Variants in DPYSL2 observed in about 807,000 individuals in gnomAD.
The protein encoded by DPYSL2 is dihydropyrimidinase-related protein 2.
Under a neutral mutation model 69.9 loss-of-function variants are expected in DPYSL2, and 13 were observed. The ratio of observed to expected loss-of-function variants is 0.19; its 90% CI spans 0.12 to 0.30. DPYSL2 has a LOEUF of 0.30. Among genes scored for constraint, DPYSL2 ranks in the 10% least tolerant of loss-of-function variants. DPYSL2 has a pLI of 1.00. For synonymous variants in DPYSL2, 326 were observed against 359.1 expected, an observed-to-expected ratio of 0.91 and a Z score of 1.04; for missense variants, 587 against 918.9, an observed-to-expected ratio of 0.64 and a Z score of 4.67.
rs1403346192 is a variant in DPYSL2, at chr8:26,577,685, T to C, written c.355-4284T>C. 1.2e-5 allele frequency: 6 copies of C among 516,052 alleles called. No individual in the cohort carries two copies. The South Asian group carries it at 5.0e-4, about 43-fold the overall frequency. The allele number at this position is 516,052 out of a possible 1,614,324, so 32.0% of individuals were successfully genotyped here. A position where few individuals can be genotyped will look rare whatever the true frequency, so the allele number is the denominator to read the frequency against. On this transcript the variant is annotated intron_variant, in intron 1 of 13. Transcript: ENST00000521913. ...CGCCTGGGGCCGCCGCCAAACCCGG[T>C]CCCCACCGCCCCGGCCCGAAGAAAG...
chr8:26,588,197 G>A lies in DPYSL2; in HGVS notation c.628+4214G>A, dbSNP rs967976328. Among the ~76,000 whole-genome samples, 2 of 152,182 alleles carry A rather than the reference G, an allele frequency of 1.3e-5. No homozygotes were observed. Among genetic ancestry groups the A allele is most frequent in the African/African-American group, 2.4e-5 (1 of 41,448 alleles). ...TGTACACTGAGCTCTACTCTCCCCC[G>A]CATGGCCGGAGAAACAGGCTGAGCT... On this transcript the variant is annotated intron_variant, in intron 3 of 13. Transcript: ENST00000521913. The surrounding 1 kb of genome is among the most constrained non-coding windows in gnomAD (Gnocchi z 5.4).
At chr8:26,568,188 G>A (rs1801182412) in intron 1 of DPYSL2, among the ~76,000 whole-genome samples, 1 of 152,204 alleles carries the variant, frequency 6.6e-6, no homozygotes, top group African/African-American at 2.4e-5. Flanking sequence ...CAGTGGAAGT[G>A]CCCAGAAGCT....
In DPYSL2 at chr8:26,631,145, A is replaced by C. The variant is rs1802762405; in HGVS notation, c.1005+3205A>C. Among the ~76,000 whole-genome samples, 4 of 152,334 alleles carry C rather than the reference A, an allele frequency of 2.6e-5. No individual in the cohort carries two copies. In the South Asian group the frequency reaches 8.3e-4, roughly 32 times the overall value. ...GGGCCCTGGCTTTGCTGAAGAGGAA[A>C]ATGCTCTCAGAGAGTTGTTATTCTG... On this transcript the variant is annotated intron_variant, in intron 7 of 13. Coordinates refer to ENST00000521913, the MANE Select transcript of DPYSL2 (RefSeq NM_001197293.3).
In DPYSL2 at chr8:26,621,631, C is replaced by T. The variant is rs552070247; in HGVS notation, c.629-2512C>T. On this transcript the variant is annotated intron_variant, in intron 3 of 13. Coordinates refer to ENST00000521913, the MANE Select transcript of DPYSL2 (RefSeq NM_001197293.3). This position sits in a 1 kb window ranked among gnomAD's most constrained non-coding sequence, Gnocchi z 4.9. ...TGAAATGGATTCAGAAACGATGCCA[C>T]CCTGGGATGGTGACATATAGCCCCA... Among the ~76,000 whole-genome samples, 11 of 152,258 alleles carry T rather than the reference C, an allele frequency of 7.2e-5. No homozygotes were observed. Among genetic ancestry groups the T allele is most frequent in the African/African-American group, 2.6e-4 (11 of 41,540 alleles).
intron 8 of DPYSL2, among the ~76,000 whole-genome samples, chr8:26,638,878 AGAATGGGCTC>A (rs1802977443): frequency 6.6e-6 from 1 of 152,224 alleles, no homozygotes; most frequent in Non-Finnish European, 1.5e-5. Flanking sequence ...TTTCTTCTCT[AGAATGGGCTC>A]CCTCTGACCA....
chr8:26,556,675 C>T (rs1800993849), intron 1 of DPYSL2, among the ~76,000 whole-genome samples: 1 of 151,674 alleles, frequency 6.6e-6, no homozygotes, highest in South Asian at 2.1e-4. Context: ...TCATGATCTT[C>T]CCGGTTTGAT....
intron 1 of DPYSL2, among the ~76,000 whole-genome samples, chr8:26,553,735 T>A (rs1800903270): frequency 6.6e-6 from 1 of 152,286 alleles, no homozygotes; most frequent in East Asian, 1.9e-4. Context: ...TTTGGGTATA[T>A]ACCCAGTAGT....
intron 1 of DPYSL2, among the ~76,000 whole-genome samples, chr8:26,581,705 C>CA (rs1801497299): frequency 2.0e-5 from 3 of 146,930 alleles, no homozygotes; most frequent in Non-Finnish European, 4.5e-5. Flanking sequence ...ATTTTCACTG[C>CA]TTTTTTTTTT....
intron 1 of DPYSL2, among the ~76,000 whole-genome samples, chr8:26,531,879 G>T (rs867127046): frequency 1.3e-5 from 2 of 150,922 alleles, no homozygotes; most frequent in African/African-American, 4.9e-5. Flanking sequence ...GCTTGATGGC[G>T]GGTGAGTGGC....
At chr8:26,545,424 G>A (rs1322309898) in intron 1 of DPYSL2, among the ~76,000 whole-genome samples, 1 of 152,102 alleles carries the variant, frequency 6.6e-6, no homozygotes, top group East Asian at 1.9e-4. Flanking sequence ...GCTCAAAGAA[G>A]GTATCAAAAG....
intron 3 of DPYSL2, among the ~76,000 whole-genome samples, chr8:26,584,970 C>T (rs1801568268): frequency 6.6e-6 from 1 of 152,160 alleles, no homozygotes; most frequent in African/African-American, 2.4e-5. Context: ...AGCACTGTGA[C>T]ACAGCACACA....
rs1233984631 is a variant in DPYSL2, at chr8:26,655,373, G to A, written c.1943-242G>A. ...TAGCTAGGTATGGGGGCCTGTGGCT[G>A]TGGTCCCAGCTTCTTGAGGGGGCCG... On this transcript the variant is annotated intron_variant, in intron 13 of 13. Transcript: ENST00000521913. 2.0e-5 allele frequency among the ~76,000 whole-genome samples: 3 copies of A among 152,234 alleles called. No homozygotes were observed. In the East Asian group the frequency reaches 5.8e-4, roughly 29 times the overall value.
chr8:26,581,378 C>CTT (rs1244993798), intron 1 of DPYSL2, among the ~76,000 whole-genome samples: 3 of 141,676 alleles, frequency 2.1e-5, no homozygotes, highest in Non-Finnish European at 3.1e-5. Flanking sequence ...GTACTATCTT[C>CTT]TTTTTTTTTT....
intron 1 of DPYSL2, chr8:26,577,434 G>C (rs1429208583): frequency 2.0e-5 from 3 of 149,640 alleles, no homozygotes; most frequent in Non-Finnish European, 4.5e-5. Context: ...CGCGGCGCCG[G>C]CCGGCGGTGC....
In DPYSL2 at chr8:26,626,225, T is replaced by C. The variant is rs534759422; in HGVS notation, c.794-392T>C. 3.0e-4 allele frequency among the ~76,000 whole-genome samples: 45 copies of C among 152,368 alleles called. No homozygotes were observed. Among genetic ancestry groups the C allele is most frequent in the African/African-American group, 1.0e-3 (43 of 41,596 alleles). On this transcript the variant is annotated intron_variant, in intron 4 of 13. Coordinates refer to ENST00000521913, the MANE Select transcript of DPYSL2 (RefSeq NM_001197293.3). This position sits in a 1 kb window ranked among gnomAD's most constrained non-coding sequence, Gnocchi z 4.3. ...GTATGGATAGACCACATTTGGTTTA[T>C]TCATTTATCAGTTAATGGAGGCTTG...
chr8:26,546,059 C>T (rs148205030), intron 1 of DPYSL2, among the ~76,000 whole-genome samples: 1 of 152,222 alleles, frequency 6.6e-6, no homozygotes, highest in Non-Finnish European at 1.5e-5. Context: ...TTGATTGTGT[C>T]GAATGTATAG....
chr8:26,578,907 C>T (rs991140792), intron 1 of DPYSL2, among the ~76,000 whole-genome samples: 1 of 151,320 alleles, frequency 6.6e-6, no homozygotes, highest in Non-Finnish European at 1.5e-5. Flanking sequence ...AGGAGGAAGG[C>T]GGGGGGCAAG....
chr8:26,578,401 T>G (rs1041413791), intron 1 of DPYSL2: 2 of 1,577,344 alleles, frequency 1.3e-6, no homozygotes, highest in African/African-American at 1.4e-5. Context: ...CGAACTTTTT[T>G]TTTCCTTTCT....
At chr8:26,527,977 A>AT (rs1460645339) in intron 1 of DPYSL2, among the ~76,000 whole-genome samples, 1 of 151,776 alleles carries the variant, frequency 6.6e-6, no homozygotes, top group African/African-American at 2.4e-5. Flanking sequence ...TAATTTTTGT[A>AT]TTTTTTAGTA....
Sources: allele counts gnomAD v4.1 joint callset (sites outside exome capture counted in the v4.1 genomes callset), GRCh38; gene constraint gnomAD v4.1.1; non-coding constraint Gnocchi (gnomAD v3.1); transcripts MANE v1.5; gene names NCBI Gene and HGNC (gene_info 2026-07-23, HGNC 2026-07-21).